Variants in EVA1C observed in about 807,000 individuals in gnomAD.
EVA1C encodes eva-1 homolog C, also known as protein eva-1 homolog C.
EVA1C carries 25 observed loss-of-function variants against 45.4 expected under a neutral mutation model. The ratio of observed to expected loss-of-function variants is 0.55; its 90% CI spans 0.40 to 0.77. The LOEUF is 0.77. Among genes scored for constraint, EVA1C ranks in the 30% least tolerant of loss-of-function variants. EVA1C has a pLI of 0.00. For synonymous variants in EVA1C, 190 were observed against 221.2 expected (o/e 0.86, Z 1.25); for missense variants, 479 against 554.8 (o/e 0.86, Z 1.37).
At chr21:32,471,327 TTTTC>T (rs146024880) in intron 4 of EVA1C, among the ~76,000 whole-genome samples, 42,839 of 135,172 alleles carry the variant, frequency 0.32, 5,634 homozygotes, top group East Asian at 0.44. Flanking sequence ...TTTTTTTCTT[TTTTC>T]TTTTTTTTTT....
intron 1 of EVA1C, among the ~76,000 whole-genome samples, chr21:32,448,912 A>AAAAGAGAGAAAGAAAGAAAGAGAGAG (rs2035462155): frequency 2.4e-5 from 1 of 41,508 alleles, no homozygotes; most frequent in Admixed American, 3.0e-4. Flanking sequence ...AAGAAAGGAG[A>AAAAGAGAGAAAGAAAGAAAGAGAGAG]AAAGAGAGAA....
chr21:32,487,830 T>C (rs1213420545), intron 4 of EVA1C, among the ~76,000 whole-genome samples: 2 of 152,158 alleles, frequency 1.3e-5, no homozygotes, highest in Non-Finnish European at 2.9e-5. Context: ...TCCTGAGTTG[T>C]GTCCTTTTAT....
chr21:32,449,345 A>G (rs2035490973), intron 1 of EVA1C, among the ~76,000 whole-genome samples: 1 of 152,236 alleles, frequency 6.6e-6, no homozygotes, highest in African/African-American at 2.4e-5. Context: ...GCAATGCCCA[A>G]AAAGTCCTCT....
intron 1 of EVA1C, 54 bp downstream of exon 1, chr21:32,413,067 A>T: frequency 7.7e-7 from 1 of 1,305,824 alleles, no homozygotes; most frequent in Non-Finnish European, 9.8e-7. Flanking sequence ...CGCCCAGGTG[A>T]ACCCTCGACT....
intron 7 of EVA1C, among the ~76,000 whole-genome samples, chr21:32,507,780 ATC>A (rs1046251624): frequency 1.4e-5 from 2 of 144,980 alleles, no homozygotes; most frequent in Admixed American, 6.9e-5. Context: ...ATGTATGTGT[ATC>A]TCTGTGCATA....
At chr21:32,438,502 A>AAC (rs1019429562) in intron 1 of EVA1C, among the ~76,000 whole-genome samples, 12 of 151,252 alleles carry the variant, frequency 7.9e-5, no homozygotes, top group African/African-American at 2.7e-4. Flanking sequence ...AAAAAAAAAA[A>AAC]AAAAAACCAA....
chr21:32,509,725 C>G (rs1185099566), intron 7 of EVA1C, among the ~76,000 whole-genome samples: 1 of 151,666 alleles, frequency 6.6e-6, no homozygotes, highest in Non-Finnish European at 1.5e-5. Context: ...GTGAAGAAAA[C>G]ATTCAAGATA....
chr21:32,490,696 C>T (rs2037124853), intron 4 of EVA1C, among the ~76,000 whole-genome samples: 1 of 152,048 alleles, frequency 6.6e-6, no homozygotes, highest in African/African-American at 2.4e-5. Context: ...GTGTTTTTTT[C>T]CCTTGCTTCT....
intron 1 of EVA1C, among the ~76,000 whole-genome samples, chr21:32,448,979 GAA>G (rs1290171549): frequency 2.6e-4 from 38 of 145,736 alleles, no homozygotes; most frequent in African/African-American, 7.9e-4. Flanking sequence ...AAGAAAGAAA[GAA>G]AGAGAGAAAG....
chr21:32,509,996 T>C (rs1484944585), intron 7 of EVA1C, among the ~76,000 whole-genome samples: 1 of 150,196 alleles, frequency 6.7e-6, no homozygotes, highest in Non-Finnish European at 1.5e-5. Flanking sequence ...TAGGCTGTGG[T>C]CAGGAGTTGA....
In EVA1C at chr21:32,502,351, G is replaced by C. The variant is rs555199341; in HGVS notation, c.859+856G>C. Among the ~76,000 whole-genome samples, 14 of 152,050 alleles carry C rather than the reference G, an allele frequency of 9.2e-5. No individual in the cohort carries two copies. In the East Asian group the frequency reaches 1.4e-3, roughly 15 times the overall value. ...TGACCTCAGGTGTTCTCCTCGTCTCGGCCTCCCAAAGTGCTGGGATTACAG... is the reference window on the plus strand; with the variant it reads ...TGACCTCAGGTGTTCTCCTCGTCTCCGCCTCCCAAAGTGCTGGGATTACAG... On this transcript the variant is annotated intron_variant, in intron 6 of 7. Transcript: ENST00000300255.
At chr21:32,460,414 C>T (rs1027740693) in intron 3 of EVA1C, among the ~76,000 whole-genome samples, 3 of 152,214 alleles carry the variant, frequency 2.0e-5, no homozygotes, top group African/African-American at 7.2e-5. Context: ...GCAGCATCAT[C>T]GTTTAGATTT....
intron 7 of EVA1C, among the ~76,000 whole-genome samples, chr21:32,513,376 T>A (rs1228738845): frequency 6.7e-6 from 1 of 148,716 alleles, no homozygotes; most frequent in Non-Finnish European, 1.5e-5. Context: ...CAGACGGGGT[T>A]TCACCATGTT....
intron 1 of EVA1C, among the ~76,000 whole-genome samples, chr21:32,423,060 G>C: frequency 1.2e-5 from 1 of 85,904 alleles, no homozygotes; most frequent in Non-Finnish European, 2.0e-5. Flanking sequence ...AGCAGAGTGA[G>C]ACTCTGTCTC....
chr21:32,415,816 G>A (rs553375553), intron 1 of EVA1C, among the ~76,000 whole-genome samples: 12 of 152,282 alleles, frequency 7.9e-5, no homozygotes, highest in South Asian at 2.1e-4. Flanking sequence ...GAATCCCAGC[G>A]AAGGCAAGAG....
intron 1 of EVA1C, among the ~76,000 whole-genome samples, chr21:32,447,113 G>C (rs2035391829): frequency 6.6e-6 from 1 of 152,144 alleles, no homozygotes; most frequent in African/African-American, 2.4e-5. Context: ...AATCTAATAG[G>C]TATGAGCCTG....
chr21:32,484,570 C>T (rs952475081), intron 4 of EVA1C, among the ~76,000 whole-genome samples: 8 of 151,880 alleles, frequency 5.3e-5, no homozygotes, highest in East Asian at 3.9e-4. Context: ...TTTATTGGGG[C>T]GGACACTGTG....
intron 3 of EVA1C, among the ~76,000 whole-genome samples, chr21:32,459,432 C>T (rs146588261): frequency 2.6e-5 from 4 of 152,356 alleles, no homozygotes; most frequent in Non-Finnish European, 5.9e-5. Context: ...ACCGCTGAAT[C>T]TCACAGACGA....
intron 1 of EVA1C, among the ~76,000 whole-genome samples, chr21:32,434,269 C>G (rs887764485): frequency 9.8e-4 from 149 of 151,460 alleles, no homozygotes; most frequent in Non-Finnish European, 1.6e-3. Flanking sequence ...GCACTCCAGC[C>G]TGGGTGACAG....
Sources: gnomAD v4.1 joint callset for allele counts (sites outside exome capture counted in the v4.1 genomes callset) on GRCh38, gnomAD v4.1.1 for gene constraint, MANE v1.5 for transcripts, NCBI Gene and HGNC (gene_info 2026-07-23, HGNC 2026-07-21) for gene names.